Variants in CDH23 observed in about 807,000 individuals in gnomAD.
CDH23 encodes cadherin related 23.
In CDH23, 189 loss-of-function variants were observed where a neutral mutation model predicts 317.1. That is an observed-to-expected ratio of 0.60 (90% CI 0.53 to 0.67). CDH23 has a LOEUF of 0.67. CDH23 is among the 30% of genes least tolerant of loss of function. The pLI, the probability that CDH23 is intolerant of heterozygous loss-of-function variation, is 0.00. For missense variants in CDH23, 4,401 were observed against 4,592.4 expected (o/e 0.96, Z 1.20); for synonymous variants, 1,839 against 1,876.8 (o/e 0.98, Z 0.52).
intron 6 of CDH23, among the ~76,000 whole-genome samples, chr10:71,532,705 G>GTTTTTTTTTTTTTT (rs1564636223): frequency 1.7e-5 from 1 of 59,692 alleles, no homozygotes; most frequent in Non-Finnish European, 3.4e-5. Context: ...GTTTTCTTTT[G>GTTTTTTTTTTTTTT]TTTTTGTTTT....
At chr10:71,730,441 C>T (rs142406644) in intron 30 of CDH23, 28 bp from the exon 31 acceptor site, 32 of 1,611,394 alleles carry the variant, frequency 2.0e-5, no homozygotes, top group Non-Finnish European at 2.6e-5. Flanking sequence ...CCCACCCTGA[C>T]CTTGCACCCC....
intron 17 of CDH23, among the ~76,000 whole-genome samples, chr10:71,682,090 T>A (rs1227096): frequency 6.6e-6 from 1 of 151,918 alleles, no homozygotes; most frequent in African/African-American, 2.4e-5. Flanking sequence ...GAGCACCTAC[T>A]AAGAAAGAGC....
chr10:71,455,105 G>T (rs144744930), intron 3 of CDH23, among the ~76,000 whole-genome samples: 32 of 152,174 alleles, frequency 2.1e-4, no homozygotes, highest in African/African-American at 6.5e-4. Flanking sequence ...GCCTCCCAAA[G>T]CACTGAGATT....
intron 3 of CDH23, among the ~76,000 whole-genome samples, chr10:71,448,940 C>T (rs1424899298): frequency 6.6e-6 from 1 of 152,124 alleles, no homozygotes; most frequent in African/African-American, 2.4e-5. Flanking sequence ...CTTTTTCCTG[C>T]CATGGGGAGT....
At chr10:71,813,206 G>T (rs1473971154) in intron 68 of CDH23, 38 bp from the exon 69 acceptor site, 1 of 1,535,160 alleles carries the variant, frequency 6.5e-7, no homozygotes, top group East Asian at 2.4e-5. Context: ...GCAGGCAGGG[G>T]AGGGCCTTGG....
chr10:71,476,745 T>C (rs118116571), intron 3 of CDH23, among the ~76,000 whole-genome samples: 462 of 152,330 alleles, frequency 3.0e-3, no homozygotes, highest in Non-Finnish European at 5.2e-3. Flanking sequence ...ACCAAACACA[T>C]GTATGATCTC....
At chr10:71,642,619 C>T (rs1410348918) in intron 11 of CDH23, among the ~76,000 whole-genome samples, 1 of 151,854 alleles carries the variant, frequency 6.6e-6, no homozygotes, top group Admixed American at 6.6e-5. Flanking sequence ...AGGCTGGTCT[C>T]GAACTCCTGA....
At chr10:71,757,955 T>C (rs2132877010) in intron 38 of CDH23, among the ~76,000 whole-genome samples, 1 of 152,282 alleles carries the variant, frequency 6.6e-6, no homozygotes, top group East Asian at 1.9e-4. Context: ...TTCTCTAGTC[T>C]CATTCCCCTA....
intron 7 of CDH23, 24 bp downstream of exon 7, chr10:71,566,960 G>A (rs781623814): frequency 1.7e-4 from 280 of 1,603,094 alleles, no homozygotes; most frequent in Non-Finnish European, 2.2e-4. Flanking sequence ...CTGGGGCCCC[G>A]GCCGTCCCAG....
intron 1 of CDH23, among the ~76,000 whole-genome samples, chr10:71,403,007 A>T (rs1847855932): frequency 6.6e-6 from 1 of 152,144 alleles, no homozygotes; most frequent in Non-Finnish European, 1.5e-5. Context: ...CTGTAGTCCC[A>T]GCTACTCGGG....
intron 35 of CDH23, among the ~76,000 whole-genome samples, chr10:71,738,933 C>G (rs1417471055): frequency 1.3e-5 from 2 of 152,260 alleles, no homozygotes; most frequent in Non-Finnish European, 2.9e-5. Context: ...CCACGCAGCC[C>G]CAGCTCCCTG....
intron 3 of CDH23, 37 bp from the exon 4 acceptor site, chr10:71,510,045 C>T (rs774260103): frequency 1.9e-5 from 31 of 1,613,712 alleles, no homozygotes; most frequent in Non-Finnish European, 2.1e-5. Context: ...CGTGACCTCT[C>T]TTATTTTCCC....
chr10:71,749,343 C>T (rs910544841), intron 38 of CDH23: 1 of 152,268 alleles, frequency 6.6e-6, no homozygotes, highest in Admixed American at 6.5e-5. Context: ...AGTTTTGCTC[C>T]GTCCCCAGGC....
At chr10:71,441,235 C>A (rs563070554) in intron 2 of CDH23, among the ~76,000 whole-genome samples, 1 of 152,122 alleles carries the variant, frequency 6.6e-6, no homozygotes, top group South Asian at 2.1e-4. Flanking sequence ...AGGATATCAC[C>A]CCCCTCACCC....
intron 6 of CDH23, among the ~76,000 whole-genome samples, chr10:71,540,699 C>G (rs1450827901): frequency 1.3e-5 from 2 of 152,140 alleles, no homozygotes; most frequent in South Asian, 2.1e-4. Flanking sequence ...AGGGCCCCAG[C>G]TGAGAAATTC....
intron 2 of CDH23, among the ~76,000 whole-genome samples, chr10:71,443,083 G>T (rs746910990): frequency 6.6e-6 from 1 of 152,188 alleles, no homozygotes. Context: ...GTCAAGGGGC[G>T]ACTGGCGGGG....
At chr10:71,688,956 T>TCAGGGATGGTGGAGC (rs1564733655) in intron 19 of CDH23, among the ~76,000 whole-genome samples, 1 of 16,074 alleles carries the variant, frequency 6.2e-5, no homozygotes, top group Admixed American at 6.4e-4. Flanking sequence ...GGTGGTGGAG[T>TCAGGGATGGTGGAGC]CAGGGGTGGT....
At chr10:71,439,244 C>T (rs1418205532) in intron 1 of CDH23, among the ~76,000 whole-genome samples, 1 of 152,136 alleles carries the variant, frequency 6.6e-6, no homozygotes, top group Non-Finnish European at 1.5e-5. Flanking sequence ...ACACCATGAC[C>T]TGCTGCATCC....
intron 14 of CDH23, among the ~76,000 whole-genome samples, chr10:71,657,658 G>A (rs1305569567): frequency 6.6e-6 from 1 of 152,120 alleles, no homozygotes; most frequent in Non-Finnish European, 1.5e-5. Context: ...ATCAGAAGCT[G>A]GACTTCCAGA....
Sources: allele counts gnomAD v4.1 joint callset (sites outside exome capture counted in the v4.1 genomes callset), GRCh38; gene constraint gnomAD v4.1.1; transcripts MANE v1.5; gene names NCBI Gene and HGNC (gene_info 2026-07-23, HGNC 2026-07-21).